AAK1: variants seen among roughly 807,000 people sequenced by gnomAD.
AAK1 encodes the protein AP2-associated protein kinase 1.
Under a neutral mutation model 116.0 loss-of-function variants are expected in AAK1, and 37 were observed. The observed-to-expected ratio is 0.32, with a 90% CI of 0.25 to 0.42. The LOEUF is 0.42. AAK1 is among the 10% of genes least tolerant of loss of function. The probability of loss-of-function intolerance (pLI) is 1.00; values close to 1 mark genes in which losing one functional copy is unlikely to be tolerated. For missense variants in AAK1, 919 were observed against 1,170.6 expected (o/e 0.79, Z 3.14); for synonymous variants, 458 against 439.9 (o/e 1.04, Z -0.51).
In AAK1 at chr2:69,505,651, T is replaced by C; in HGVS notation, c.2187A>G (p.Gly729=). 1 of 1,613,556 alleles carries C rather than the reference T, an allele frequency of 6.2e-7. No individual in the cohort carries two copies. Residue 729 remains glycine, a synonymous_variant, in exon 16 of 22, where the codon GGA becomes GGG. Transcript: ENST00000409085. ...LGEGKHPEKL[G]GSAESLIPGF... is the part of the protein sequence containing the mutation. ...CTGGGATCAAACTCTCAGCTGAGCCTCCAAGCTTCTCGGGATGTTTGCCTG... is the reference window on the plus strand; with the variant it reads ...CTGGGATCAAACTCTCAGCTGAGCCCCCAAGCTTCTCGGGATGTTTGCCTG...
Position 69,472,143 on chromosome 2 carries a change from T to G in AAK1, c.*3726A>C. On this transcript the variant is annotated 3_prime_UTR_variant, in exon 22 of 22. Transcript: ENST00000409085. Reference sequence around the variant, plus strand: ...TCCTTATTCAGAAAATTACAGAAATTAAGTCTTAATCATGTTCACTTTCTA... The same window carrying G: ...TCCTTATTCAGAAAATTACAGAAATGAAGTCTTAATCATGTTCACTTTCTA... 2 of 984,128 alleles carry G rather than the reference T, an allele frequency of 2.0e-6. No homozygotes were observed. The highest frequency in any genetic ancestry group is 2.4e-6 in the Non-Finnish European group (2 of 828,748). The allele number at this position is 984,128 out of a possible 1,614,324, so 61.0% of individuals were successfully genotyped here. A position where few individuals can be genotyped will look rare whatever the true frequency, so the allele number is the denominator to read the frequency against.
At chr2:69,480,751 C>T (rs1675055503) in intron 19 of AAK1, 109 bp downstream of exon 19, 3 of 831,074 alleles carry the variant, frequency 3.6e-6, no homozygotes, top group East Asian at 2.9e-5. Context: ...TCAGGAGGAA[C>T]TACCTGGGCT....
chr2:69,628,585 G>C (rs911623068), intron 2 of AAK1, among the ~76,000 whole-genome samples: 1 of 152,132 alleles, frequency 6.6e-6, no homozygotes, highest in African/African-American at 2.4e-5. Context: ...TTTGATGGTA[G>C]ACTTGAACAA....
intron 8 of AAK1, among the ~76,000 whole-genome samples, chr2:69,528,699 A>G (rs980948754): frequency 6.6e-6 from 1 of 152,160 alleles, no homozygotes; most frequent in Non-Finnish European, 1.5e-5. Context: ...TTAATTTTAG[A>G]TCTGTGCGTT....
Position 69,461,427 on chromosome 2 carries a change from T to C in AAK1, c.*14442A>G, listed in dbSNP as rs1674338457. The C allele has an allele frequency of 4.1e-6, 1 of 242,024 alleles. No individual in the cohort carries two copies. The highest frequency in any genetic ancestry group is 5.9e-5 in the Admixed American group (1 of 16,914). 15.0% of individuals were successfully genotyped at this position (242,024 alleles called of 1,614,324 possible). Reference sequence around the variant, plus strand: ...TTAAGGAAATAAGACCCTACTGTAATACAAGTCGGCAGAATCTAACTGTTA... The same window carrying C: ...TTAAGGAAATAAGACCCTACTGTAACACAAGTCGGCAGAATCTAACTGTTA... On this transcript the variant is annotated 3_prime_UTR_variant, in exon 22 of 22. Transcript: ENST00000409085.
rs2104879863 is a variant in AAK1 at position 69,474,948 on chromosome 2, C to T, written c.*921G>A. On this transcript the variant is annotated 3_prime_UTR_variant, in exon 22 of 22. Transcript: ENST00000409085. ...AAGAAAAATACATCTGTTTCTGCTA[C>T]AATTCCTTCCCCTCCCCATCCTCCC... The T allele has an allele frequency of 5.1e-6, 5 of 985,170 alleles. No homozygotes were observed. Among genetic ancestry groups the T allele is most frequent in the Non-Finnish European group, 6.0e-6 (5 of 829,820 alleles). 61.0% of individuals were successfully genotyped at this position (985,170 alleles called of 1,614,324 possible).
chr2:69,628,778 T>C (rs1675029974), intron 2 of AAK1, among the ~76,000 whole-genome samples: 2 of 152,314 alleles, frequency 1.3e-5, no homozygotes, highest in Admixed American at 6.5e-5. Context: ...ATTCTCATCA[T>C]TGGTGAGCGA....
At chr2:69,557,987 T>C (rs893910993) in intron 2 of AAK1, among the ~76,000 whole-genome samples, 14 of 152,096 alleles carry the variant, frequency 9.2e-5, no homozygotes, top group Admixed American at 7.9e-4. Flanking sequence ...ATGACAATTA[T>C]TGGGGAGACT....
chr2:69,617,930 G>A (rs79837163), intron 2 of AAK1, among the ~76,000 whole-genome samples: 3,686 of 152,144 alleles, frequency 0.024, 129 homozygotes, highest in African/African-American at 0.075. Context: ...CCTTTATCTC[G>A]AGGCTGCTGA....
intron 11 of AAK1, chr2:69,520,187 T>G (rs1465616448): frequency 2.7e-5 from 6 of 218,732 alleles, no homozygotes. Flanking sequence ...GTCTTATTTC[T>G]TTAAAGGCAA....
chr2:69,596,221 C>CTTTTT (rs112330025), intron 2 of AAK1, among the ~76,000 whole-genome samples: 1 of 138,086 alleles, frequency 7.2e-6, no homozygotes, highest in African/African-American at 2.7e-5. Context: ...GTAATTTTGA[C>CTTTTT]TTTTTTTTTT....
intron 2 of AAK1, chr2:69,594,601 C>A: frequency 2.1e-6 from 1 of 484,268 alleles, no homozygotes; most frequent in East Asian, 3.8e-5. Context: ...TGTCTAATTA[C>A]CACAGGCCGA....
chr2:69,636,083 A>C lies in AAK1; in HGVS notation c.163+6795T>G, dbSNP rs189369712. Among the ~76,000 whole-genome samples, 88 of 152,326 alleles carry C rather than the reference A, an allele frequency of 5.8e-4. 1 individual carries two copies. Among genetic ancestry groups the C allele is most frequent in the Admixed American group, 5.2e-3 (79 of 15,300 alleles). On this transcript the variant is annotated intron_variant, in intron 2 of 21. Coordinates refer to ENST00000409085, the MANE Select transcript of AAK1 (RefSeq NM_014911.5). Reference sequence around the variant, plus strand: ...TGAGGGCTGATGGGGTGACATCTTTATAGCACACTGAGATATACTATAGTT... The same window carrying C: ...TGAGGGCTGATGGGGTGACATCTTTCTAGCACACTGAGATATACTATAGTT...
At chr2:69,479,086 A>G in intron 19 of AAK1, 25 bp from the exon 20 acceptor site, 1 of 1,502,684 alleles carries the variant, frequency 6.7e-7, no homozygotes, top group Non-Finnish European at 9.3e-7. Context: ...ACAGCATCCC[A>G]GGTCAGTGAT....
intron 2 of AAK1, among the ~76,000 whole-genome samples, chr2:69,577,535 A>G (rs1432224298): frequency 6.6e-6 from 1 of 152,216 alleles, no homozygotes; most frequent in Non-Finnish European, 1.5e-5. Flanking sequence ...TGACAGGCAG[A>G]GCTGAGTGGC....
intron 2 of AAK1, among the ~76,000 whole-genome samples, chr2:69,587,019 C>T (rs1431200573): frequency 1.3e-5 from 2 of 152,024 alleles, no homozygotes; most frequent in Admixed American, 6.6e-5. Flanking sequence ...TATCTTCTGC[C>T]TTTCTGCCCA....
rs1674882739 is a variant in AAK1 at position 69,477,071 on chromosome 2, G to A, written c.2681-81C>T. On this transcript the variant is annotated intron_variant, in intron 20 of 21. Transcript: ENST00000409085. ...TGAGAGAATGTGAAAGAGGCACAAA[G>A]ATCTCAACTGTACAGCCCTGTTATT... The A allele has an allele frequency of 6.8e-6, 6 of 876,130 alleles. No homozygotes were observed. The South Asian group carries it at 7.4e-5, about 11-fold the overall frequency. The allele number at this position is 876,130 out of a possible 1,614,324, so 54.3% of individuals were successfully genotyped here.
chr2:69,460,731 T>G lies in AAK1; in HGVS notation c.*15138A>C, dbSNP rs1674319198. ...CAGCTGCTTCAGCATCAAATTGTGT[T>G]CATCCCATTTTCTAATCTAACCAAG... On this transcript the variant is annotated 3_prime_UTR_variant, in exon 22 of 22. Coordinates refer to ENST00000409085, the MANE Select transcript of AAK1 (RefSeq NM_014911.5). 1 of 152,214 alleles carries G rather than the reference T, an allele frequency of 6.6e-6. No homozygotes were observed. Among genetic ancestry groups the G allele is most frequent in the Non-Finnish European group, 1.5e-5 (1 of 68,040 alleles). 9.4% of individuals were successfully genotyped at this position (152,214 alleles called of 1,614,324 possible).
chr2:69,510,588 T>C (rs1361324296), intron 13 of AAK1, among the ~76,000 whole-genome samples: 1 of 152,222 alleles, frequency 6.6e-6, no homozygotes, highest in Non-Finnish European at 1.5e-5. Context: ...CTGGGTTGAA[T>C]AGTAGTTCTC....
Sources: allele counts gnomAD v4.1 joint callset (sites outside exome capture counted in the v4.1 genomes callset), GRCh38; gene constraint gnomAD v4.1.1; transcripts MANE v1.5; gene names NCBI Gene and HGNC (gene_info 2026-07-23, HGNC 2026-07-21).